GPR158: variants seen among roughly 807,000 people sequenced by gnomAD.
GPR158 encodes the protein G protein-coupled receptor 158.
GPR158 carries 30 observed loss-of-function variants against 78.2 expected under a neutral mutation model. That is an observed-to-expected ratio of 0.38 (90% CI 0.29 to 0.52). The LOEUF (loss-of-function observed/expected upper bound fraction) is 0.52. Among genes scored for constraint, GPR158 ranks in the 20% least tolerant of loss-of-function variants. The pLI, the probability that GPR158 is intolerant of heterozygous loss-of-function variation, is 0.83. For missense variants in GPR158, 1,463 were observed against 1,523.5 expected, an observed-to-expected ratio of 0.96 and a Z score of 0.66; for synonymous variants, 581 against 591.1, an observed-to-expected ratio of 0.98 and a Z score of 0.25.
At position 25,572,821 on chromosome 10, in the gene GPR158, A is replaced by T; in HGVS notation, c.1687A>T (p.Lys563Ter). 1 of 1,613,890 alleles carries T rather than the reference A, an allele frequency of 6.2e-7. No individual in the cohort carries two copies. The highest frequency in any genetic ancestry group is 8.5e-7 in the Non-Finnish European group (1 of 1,179,810). The change falls in exon 7 of 11, where the codon AAA becomes TAA. Residue 563 changes from lysine (K) to a stop codon, truncating the protein, a stop_gained. Transcript: ENST00000376351. LOFTEE classifies it high-confidence loss of function. The part of the protein sequence containing the change: ...EKQISLIGQG[K>*]TSDHLIFNMC... ...ACAGATTTCACTTATTGGCCAGGGGAAAACATCCGATCACCTCATCTTCAA... is the reference window on the plus strand; with the variant it reads ...ACAGATTTCACTTATTGGCCAGGGGTAAACATCCGATCACCTCATCTTCAA...
chr10:25,219,942 T>G (rs1853276069), intron 1 of GPR158, among the ~76,000 whole-genome samples: 1 of 152,222 alleles, frequency 6.6e-6, no homozygotes, highest in Admixed American at 6.5e-5. Context: ...TTTGTCGGTT[T>G]TATACTTTTG....
chr10:25,400,841 T>C (rs1263165783), intron 3 of GPR158, among the ~76,000 whole-genome samples: 3 of 152,176 alleles, frequency 2.0e-5, no homozygotes, highest in Admixed American at 1.3e-4. Context: ...AATTTACAAG[T>C]GACCCATATC....
intron 2 of GPR158, among the ~76,000 whole-genome samples, chr10:25,373,732 A>G (rs1220357987): frequency 6.6e-6 from 1 of 151,816 alleles, no homozygotes; most frequent in Non-Finnish European, 1.5e-5. Flanking sequence ...GTATACTAGG[A>G]TTCTTTAGTT....
chr10:25,517,691 T>C (rs1588895412), intron 5 of GPR158, among the ~76,000 whole-genome samples: 1 of 151,472 alleles, frequency 6.6e-6, no homozygotes, highest in Non-Finnish European at 1.5e-5. Context: ...TTTGCGTATA[T>C]TGAACCAGCC....
At chr10:25,270,283 G>A (rs769912934) in intron 2 of GPR158, among the ~76,000 whole-genome samples, 17 of 152,180 alleles carry the variant, frequency 1.1e-4, no homozygotes, top group Middle Eastern at 3.4e-3. Context: ...TAGATTCTTT[G>A]GTTACTGAAG....
chr10:25,326,333 A>G (rs1459243621), intron 2 of GPR158, among the ~76,000 whole-genome samples: 2 of 151,156 alleles, frequency 1.3e-5, no homozygotes, highest in South Asian at 2.1e-4. Flanking sequence ...TATGTACCAC[A>G]TTTTCTTTAT....
chr10:25,240,046 C>T (rs1853582078), intron 2 of GPR158, among the ~76,000 whole-genome samples: 1 of 152,048 alleles, frequency 6.6e-6, no homozygotes, highest in South Asian at 2.1e-4. Context: ...GATAAAACAG[C>T]AAAACAAGTC....
intron 5 of GPR158, among the ~76,000 whole-genome samples, chr10:25,480,425 A>G (rs1835650463): frequency 2.0e-5 from 3 of 152,322 alleles, no homozygotes; most frequent in South Asian, 2.1e-4. Flanking sequence ...AGCCATGGCT[A>G]TTATCGATTT....
chr10:25,589,744 G>A (rs1224669703), intron 8 of GPR158, among the ~76,000 whole-genome samples: 1 of 152,154 alleles, frequency 6.6e-6, no homozygotes, highest in African/African-American at 2.4e-5. Context: ...CTCTCTAGCA[G>A]ATGAGAACAC....
intron 5 of GPR158, among the ~76,000 whole-genome samples, chr10:25,508,410 C>T (rs1836041783): frequency 6.6e-6 from 1 of 152,098 alleles, no homozygotes; most frequent in East Asian, 1.9e-4. Context: ...AGCACATATG[C>T]AGTAGGCAAA....
intron 8 of GPR158, among the ~76,000 whole-genome samples, chr10:25,590,719 C>T (rs753689425): frequency 1.3e-5 from 2 of 152,116 alleles, no homozygotes; most frequent in African/African-American, 4.8e-5. Context: ...AGTAAGAAGG[C>T]TTCTCAGAGT....
intron 2 of GPR158, among the ~76,000 whole-genome samples, chr10:25,367,254 G>GT (rs1855737485): frequency 6.6e-6 from 1 of 151,532 alleles, no homozygotes. Context: ...AAAAGACTAT[G>GT]TTTTTTTCCT....
intron 1 of GPR158, among the ~76,000 whole-genome samples, chr10:25,200,871 T>G (rs868777140): frequency 0.062 from 9,083 of 146,802 alleles, 534 homozygotes; most frequent in African/African-American, 0.16. Flanking sequence ...TTGTTTTGTT[T>G]TTTTTTTTTT....
intron 5 of GPR158, among the ~76,000 whole-genome samples, chr10:25,507,457 C>T (rs921181569): frequency 7.9e-5 from 12 of 152,040 alleles, no homozygotes; most frequent in Non-Finnish European, 1.3e-4. Flanking sequence ...GATTGGGAGC[C>T]CAAATGTATA....
chr10:25,187,837 C>A (rs1199762724), intron 1 of GPR158, among the ~76,000 whole-genome samples: 1 of 152,198 alleles, frequency 6.6e-6, no homozygotes, highest in African/African-American at 2.4e-5. Flanking sequence ...AAGAGGAAGT[C>A]AAATTGTCCC....
At chr10:25,577,218 T>TACTC in intron 7 of GPR158, among the ~76,000 whole-genome samples, 1 of 152,302 alleles carries the variant, frequency 6.6e-6, no homozygotes, top group Non-Finnish European at 1.5e-5. Context: ...ATGTTTTTGA[T>TACTC]ACTCAGACTG....
chr10:25,387,064 G>T (rs1181517436), intron 2 of GPR158, among the ~76,000 whole-genome samples: 1 of 152,116 alleles, frequency 6.6e-6, no homozygotes, highest in Admixed American at 6.5e-5. Context: ...GAGCTTAGAG[G>T]AAAAGTTTTC....
Position 25,589,008 on chromosome 10 carries a change from T to C in GPR158, c.1755T>C (p.Ala585=). ...IDRWDYMTAV[A]EFLFLLWGVY... ...GAAAATGGTTTGTTATTTTCACAGC[T>C]GAATTTTTATTCCTCTTGTGGGGTG... Residue 585 remains alanine, a splice_region_variant and synonymous_variant, in exon 8 of 11, where the codon GCT becomes GCC. Transcript: ENST00000376351. 1 of 1,546,670 alleles carries C rather than the reference T, an allele frequency of 6.5e-7. No individual in the cohort carries two copies. The highest frequency in any genetic ancestry group is 8.8e-7 in the Non-Finnish European group (1 of 1,135,662).
At chr10:25,377,053 C>G (rs1022197608) in intron 2 of GPR158, among the ~76,000 whole-genome samples, 2 of 151,656 alleles carry the variant, frequency 1.3e-5, no homozygotes, top group Non-Finnish European at 3.0e-5. Context: ...TTTGTAGTGC[C>G]TCTTCAATAC....
Sources: gnomAD v4.1 joint callset for allele counts (sites outside exome capture counted in the v4.1 genomes callset) on GRCh38, gnomAD v4.1.1 for gene constraint, MANE v1.5 for transcripts, NCBI Gene and HGNC (gene_info 2026-07-23, HGNC 2026-07-21) for gene names.